Variants in PDS5A observed in about 807,000 individuals in gnomAD.
PDS5A encodes sister chromatid cohesion protein PDS5 homolog A.
A neutral mutation model predicts 167.1 loss-of-function variants in PDS5A; 42 were observed. The ratio of observed to expected loss-of-function variants is 0.25; its 90% CI spans 0.20 to 0.33. The LOEUF is 0.33. Ranked by LOEUF, PDS5A falls within the 10% of genes least tolerant of loss-of-function variation. PDS5A has a pLI of 1.00. For missense variants in PDS5A, 1,033 were observed against 1,605.9 expected, an observed-to-expected ratio of 0.64 and a Z score of 6.10; for synonymous variants, 553 against 554.6, an observed-to-expected ratio of 1.00 and a Z score of 0.04.
At chr4:39,849,946 T>G (rs1228705964) in intron 26 of PDS5A, among the ~76,000 whole-genome samples, 3 of 152,078 alleles carry the variant, frequency 2.0e-5, no homozygotes, top group Non-Finnish European at 2.9e-5. Flanking sequence ...ACCTCAGCAC[T>G]TTGGGTGGCT....
intron 21 of PDS5A, among the ~76,000 whole-genome samples, chr4:39,872,291 C>T (rs979878544): frequency 2.0e-5 from 3 of 151,152 alleles, no homozygotes; most frequent in African/African-American, 7.3e-5. Flanking sequence ...ATTCTCCTGC[C>T]TCAGCCTCCT....
chr4:39,905,747 C>T (rs1012171993), intron 11 of PDS5A, among the ~76,000 whole-genome samples: 6 of 151,176 alleles, frequency 4.0e-5, no homozygotes, highest in Admixed American at 4.0e-4. Flanking sequence ...TAAGATTTTA[C>T]ACCATAAAAT....
intron 2 of PDS5A, among the ~76,000 whole-genome samples, chr4:39,944,250 A>G (rs1452073661): frequency 6.6e-6 from 1 of 151,786 alleles, no homozygotes; most frequent in Non-Finnish European, 1.5e-5. Context: ...GAAATGGTTT[A>G]CTCCATTTAT....
At chr4:39,948,875 T>A (rs1001564571) in intron 2 of PDS5A, among the ~76,000 whole-genome samples, 2 of 152,150 alleles carry the variant, frequency 1.3e-5, no homozygotes, top group Non-Finnish European at 2.9e-5. Context: ...TCTGCCCACC[T>A]TGGCCTCCCA....
At chr4:39,872,334 C>T (rs1413349926) in intron 21 of PDS5A, among the ~76,000 whole-genome samples, 1 of 151,942 alleles carries the variant, frequency 6.6e-6, no homozygotes. Context: ...CGTCACCACA[C>T]CCGGCTAATC....
chr4:39,915,343 A>AT (rs3070904), intron 8 of PDS5A, among the ~76,000 whole-genome samples: 17,366 of 88,660 alleles, frequency 0.2, 1,627 homozygotes, highest in Middle Eastern at 0.28. Flanking sequence ...AACCGGCCTG[A>AT]TTTTTTTTTT....
At chr4:39,897,646 G>A (rs943219198) in intron 16 of PDS5A, among the ~76,000 whole-genome samples, 2 of 152,154 alleles carry the variant, frequency 1.3e-5, no homozygotes, top group Non-Finnish European at 1.5e-5. Context: ...TGATCCACAC[G>A]CCTTGGACTC....
chr4:39,844,585 C>T, intron 30 of PDS5A, 71 bp downstream of exon 30: 1 of 1,161,812 alleles, frequency 8.6e-7, no homozygotes, highest in East Asian at 2.4e-5. Flanking sequence ...TTTTATGAGA[C>T]AGCACTTTAG....
At chr4:39,957,521 G>C (rs573730591) in intron 2 of PDS5A, among the ~76,000 whole-genome samples, 2 of 152,188 alleles carry the variant, frequency 1.3e-5, no homozygotes, top group African/African-American at 2.4e-5. Flanking sequence ...GCCAGGCACA[G>C]TGGCCTGTAA....
intron 11 of PDS5A, among the ~76,000 whole-genome samples, chr4:39,907,590 C>CTTTTT (rs71194936): frequency 2.1e-5 from 3 of 141,752 alleles, no homozygotes; most frequent in Admixed American, 7.1e-5. Flanking sequence ...CTTTTCTTTT[C>CTTTTT]TTTTTTTTTT....
chr4:39,827,683 G>A (rs1218621039), intron 32 of PDS5A, among the ~76,000 whole-genome samples: 1 of 152,042 alleles, frequency 6.6e-6, no homozygotes, highest in Non-Finnish European at 1.5e-5. Context: ...TTTGCTTTAA[G>A]AAAAACAAAT....
At chr4:39,892,232 A>G (rs1722039270) in intron 16 of PDS5A, among the ~76,000 whole-genome samples, 1 of 152,184 alleles carries the variant, frequency 6.6e-6, no homozygotes, top group Admixed American at 6.5e-5. Flanking sequence ...TGAGGTCAGG[A>G]GTTTTGAGAC....
chr4:39,914,090 T>C (rs1185379665), intron 8 of PDS5A, among the ~76,000 whole-genome samples: 1 of 152,096 alleles, frequency 6.6e-6, no homozygotes, highest in Non-Finnish European at 1.5e-5. Flanking sequence ...CTAATAAGCT[T>C]ACTTTATAGG....
chr4:39,826,182 G>A (rs958985472), intron 32 of PDS5A, among the ~76,000 whole-genome samples: 1 of 121,754 alleles, frequency 8.2e-6, no homozygotes, highest in Non-Finnish European at 1.9e-5. Flanking sequence ...CCAAACTGGC[G>A]TGTTTTTTTT....
intron 2 of PDS5A, among the ~76,000 whole-genome samples, chr4:39,972,318 G>A (rs1212369342): frequency 1.1e-4 from 17 of 152,224 alleles, no homozygotes; most frequent in East Asian, 3.9e-4. Context: ...TCAAGAGTTC[G>A]AGACCAGCCT....
At chr4:39,835,976 T>C (rs772218389) in intron 32 of PDS5A, among the ~76,000 whole-genome samples, 2 of 152,172 alleles carry the variant, frequency 1.3e-5, no homozygotes, top group Non-Finnish European at 2.9e-5. Flanking sequence ...TCAGAGAATT[T>C]TGGCAATCTC....
chr4:39,926,723 T>C (rs1560490359), intron 4 of PDS5A, 52 bp downstream of exon 4: 2 of 1,167,184 alleles, frequency 1.7e-6, no homozygotes, highest in Non-Finnish European at 2.3e-6. Flanking sequence ...CATGAAGAAT[T>C]TGCTATCATG....
chr4:39,853,064 G>A (rs1044814600), intron 26 of PDS5A, among the ~76,000 whole-genome samples: 1 of 149,934 alleles, frequency 6.7e-6, no homozygotes, highest in Non-Finnish European at 1.5e-5. Flanking sequence ...TGCAGGGACT[G>A]AGTAGCTGGG....
At chr4:39,964,012 T>C (rs1304724170) in intron 2 of PDS5A, among the ~76,000 whole-genome samples, 6 of 152,166 alleles carry the variant, frequency 3.9e-5, no homozygotes, top group African/African-American at 7.2e-5. Flanking sequence ...GTTCAAGTGA[T>C]TCTCCTGCCT....
Sources: gnomAD v4.1 joint callset for allele counts (sites outside exome capture counted in the v4.1 genomes callset) on GRCh38, gnomAD v4.1.1 for gene constraint, MANE v1.5 for transcripts, NCBI Gene and HGNC (gene_info 2026-07-23, HGNC 2026-07-21) for gene names.